The following ARHGAP11A variants were observed in gnomAD, a reference collection of about 807,000 sequenced individuals.
ARHGAP11A encodes Rho GTPase activating protein 11A.
Under a neutral mutation model 60.5 loss-of-function variants are expected in ARHGAP11A, and 36 were observed. The observed-to-expected ratio is 0.59, with a 90% CI of 0.46 to 0.79. The LOEUF (loss-of-function observed/expected upper bound fraction) is 0.79. ARHGAP11A is among the 30% of genes least tolerant of loss of function. The probability of loss-of-function intolerance (pLI) is 0.00; values close to 1 mark genes in which losing one functional copy is unlikely to be tolerated. For missense variants in ARHGAP11A, 1,071 were observed against 1,199.2 expected (o/e 0.89, Z 1.58); for synonymous variants, 362 against 415.5 (o/e 0.87, Z 1.57).
intron 11 of ARHGAP11A, 53 bp from the exon 12 acceptor site, chr15:32,636,203 AT>A: frequency 6.7e-7 from 1 of 1,502,346 alleles, no homozygotes; most frequent in Non-Finnish European, 8.8e-7. Flanking sequence ...CTTGGGTATT[AT>A]TTCAAAACAA....
At chr15:32,630,092 TCTGGGTCTATAG>T (rs954487716) in intron 8 of ARHGAP11A, among the ~76,000 whole-genome samples, 13 of 108,348 alleles carry the variant, frequency 1.2e-4, no homozygotes, top group Non-Finnish European at 2.0e-4. Flanking sequence ...TATAGTTACA[TCTGGGTCTATAG>T]CTGTGGCTTT....
In ARHGAP11A at chr15:32,628,655, C is replaced by T. The variant is rs1222505428; in HGVS notation, c.863-73C>T. ...AAAGTTACATGTTGAAAGAAGACTG[C>T]AAATATTAATATGAATTATTGGTGA... On this transcript the variant is annotated intron_variant, in intron 6 of 11. Coordinates refer to ENST00000361627, the MANE Select transcript of ARHGAP11A (RefSeq NM_014783.6). 12 of 1,212,046 alleles carry T rather than the reference C, an allele frequency of 9.9e-6. No individual in the cohort carries two copies. In the African/African-American group the frequency reaches 1.6e-4, roughly 16 times the overall value. 75.1% of individuals were successfully genotyped at this position (1,212,046 alleles called of 1,614,324 possible).
chr15:32,617,470 C>CTTTTT (rs2053181642), intron 1 of ARHGAP11A, among the ~76,000 whole-genome samples: 1 of 112,738 alleles, frequency 8.9e-6, no homozygotes, highest in Non-Finnish European at 2.0e-5. Context: ...CTTTTCTTTT[C>CTTTTT]CTTTTTTTTT....
rs1404516723 is a variant in ARHGAP11A at position 32,636,509 on chromosome 15, T to A, written c.1736T>A (p.Ile579Lys). Residue 579 changes from isoleucine (I) to lysine (K), a missense_variant, in exon 12 of 12, where the codon ATA becomes AAA. Transcript: ENST00000361627. The stretch of plus-strand genomic sequence containing the variant: ...TTAAACAATAAGCATAATAGCAACA[T>A]AACAAGTAGCCCTCTTAGCGGGGAT... ...SNLNNKHNSN[I>K]TSSPLSGDEN... 3.1e-6 allele frequency: 5 copies of A among 1,614,046 alleles called. No homozygotes were observed. The highest frequency in any genetic ancestry group is 2.2e-5 in the South Asian group (2 of 91,066).
intron 8 of ARHGAP11A, among the ~76,000 whole-genome samples, chr15:32,631,331 T>C (rs1361539583): frequency 6.6e-6 from 1 of 151,772 alleles, no homozygotes; most frequent in Non-Finnish European, 1.5e-5. Context: ...GTTTTGCTCT[T>C]GTTGCCCAGG....
Position 32,629,550 on chromosome 15 carries a change from A to G in ARHGAP11A, c.938-45A>G, listed in dbSNP as rs146847304. Reference sequence around the variant, plus strand: ...TATGTAAAGCTTTTATATGTTGTCAACTCTGCAGTAGAAACAAGTTGGTTT... The same window carrying G: ...TATGTAAAGCTTTTATATGTTGTCAGCTCTGCAGTAGAAACAAGTTGGTTT... On this transcript the variant is annotated intron_variant, in intron 7 of 11. Transcript: ENST00000361627. The G allele has an allele frequency of 3.2e-3, 4,978 of 1,533,222 alleles. 159 individuals are homozygous for G. In the African/African-American group the frequency reaches 0.061, roughly 19 times the overall value. 95.0% of individuals were successfully genotyped at this position (1,533,222 alleles called of 1,614,324 possible). A position where few individuals can be genotyped will look rare whatever the true frequency, so the allele number is the denominator to read the frequency against.
intron 8 of ARHGAP11A, among the ~76,000 whole-genome samples, chr15:32,630,238 T>C (rs2053557722): frequency 1.2e-5 from 1 of 85,598 alleles, no homozygotes. Context: ...TAGACTCAAG[T>C]ACCTTTTGTA....
At chr15:32,636,045 A>G in intron 11 of ARHGAP11A, 130 bp downstream of exon 11, 2 of 1,379,816 alleles carry the variant, frequency 1.4e-6, no homozygotes, top group Non-Finnish European at 9.4e-7. Context: ...TGAAAATATT[A>G]GAATTGGCAA....
At chr15:32,625,795 C>T (rs377449907) in intron 6 of ARHGAP11A, among the ~76,000 whole-genome samples, 162 bp downstream of exon 6, 4 of 152,212 alleles carry the variant, frequency 2.6e-5, no homozygotes, top group African/African-American at 9.6e-5. Flanking sequence ...ATAGTACAAT[C>T]TAATGTTAAG....
chr15:32,620,521 A>G (rs954046501), intron 2 of ARHGAP11A, among the ~76,000 whole-genome samples: 1 of 151,802 alleles, frequency 6.6e-6, no homozygotes, highest in Admixed American at 6.6e-5. Flanking sequence ...ATTGTTTCAA[A>G]CCAGCAAATG....
At position 32,615,505 on chromosome 15, in the gene ARHGAP11A, A is replaced by AG. The variant is rs1567045509; in HGVS notation, c.-707_-706insG. ...AGCCTGGGCTGAAACTGCGGGTGTG[A>AG]CCCCCCCGTGGTGGCTCTGGGTGTC... On this transcript the variant is annotated 5_prime_UTR_variant, in exon 1 of 12. Coordinates refer to ENST00000361627, the MANE Select transcript of ARHGAP11A (RefSeq NM_014783.6). The AG allele has an allele frequency of 6.6e-6, 1 of 151,786 alleles. No homozygotes were observed. 9.4% of individuals were successfully genotyped at this position (151,786 alleles called of 1,614,324 possible).
rs1410913060 is a variant in ARHGAP11A at position 32,639,411 on chromosome 15, T to G, written c.*1566T>G. The G allele has an allele frequency of 1.3e-5, 2 of 152,244 alleles. No individual in the cohort carries two copies. Among genetic ancestry groups the G allele is most frequent in the Non-Finnish European group, 2.9e-5 (2 of 68,044 alleles). 9.4% of individuals were successfully genotyped at this position (152,244 alleles called of 1,614,324 possible). A position where few individuals can be genotyped will look rare whatever the true frequency, so the allele number is the denominator to read the frequency against. ...TTGTTTATTTGATATCAAATAGGTT[T>G]GTAGATGTTTATGGCATTTCTAATT... On this transcript the variant is annotated 3_prime_UTR_variant, in exon 12 of 12. Transcript: ENST00000361627.
intron 1 of ARHGAP11A, among the ~76,000 whole-genome samples, chr15:32,617,625 C>T (rs2053190137): frequency 6.6e-6 from 1 of 152,066 alleles, no homozygotes; most frequent in Non-Finnish European, 1.5e-5. Flanking sequence ...GCGCCCGCCA[C>T]CACACCTGGC....
Position 32,637,210 on chromosome 15 carries a change from T to G in ARHGAP11A, c.2437T>G (p.Trp813Gly). 1 of 1,614,206 alleles carries G rather than the reference T, an allele frequency of 6.2e-7. No homozygotes were observed. Reference sequence around the variant, plus strand: ...TAGAAAGGTTTCTGATCACATACAGTGGTTTAACAAGCTTTCTTTAAATGA... The same window carrying G: ...TAGAAAGGTTTCTGATCACATACAGGGGTTTAACAAGCTTTCTTTAAATGA... The part of the protein sequence containing the change: ...EHRKVSDHIQ[W>G]FNKLSLNEPN... Residue 813 changes from tryptophan to glycine, a missense_variant, in exon 12 of 12, where the codon TGG (tryptophan) becomes GGG (glycine). Trp to Gly is a radical substitution (Grantham distance 184). Around this residue, in one of 4 missense-constraint regions of ARHGAP11A, gnomAD observed 776 missense variants for 760.2 expected, o/e 1.02. Coordinates refer to ENST00000361627, the MANE Select transcript of ARHGAP11A (RefSeq NM_014783.6).
At position 32,636,797 on chromosome 15, in the gene ARHGAP11A, C is replaced by G; in HGVS notation, c.2024C>G (p.Ser675Ter). The part of the protein sequence containing the change: ...GEKCFSERDF[S>*]PLQTQTFNRE... ...AAATGTTTTTCAGAGAGGGACTTTT[C>G]ACCCCTTCAAACTCAAACATTTAAT... Residue 675 changes from serine (S) to a stop codon, truncating the protein, a stop_gained, in exon 12 of 12, where the codon TCA (serine) becomes TGA (stop). Transcript: ENST00000361627. LOFTEE classifies it low-confidence loss of function (END_TRUNC). 6.2e-7 allele frequency: 1 copy of G among 1,610,580 alleles called. No homozygotes were observed. Among genetic ancestry groups the G allele is most frequent in the Non-Finnish European group, 8.5e-7 (1 of 1,179,232 alleles).
rs1049182364 is a variant in ARHGAP11A, at chr15:32,638,322, C to T, written c.*477C>T. 1 of 152,872 alleles carries T rather than the reference C, an allele frequency of 6.5e-6. No homozygotes were observed. The allele number at this position is 152,872 out of a possible 1,614,324, so 9.5% of individuals were successfully genotyped here. On this transcript the variant is annotated 3_prime_UTR_variant, in exon 12 of 12. Coordinates refer to ENST00000361627, the MANE Select transcript of ARHGAP11A (RefSeq NM_014783.6). Reference sequence around the variant, plus strand: ...TCCTGACGTTGTGATCCGCCCGCCTCAGCCTCCCAAAGTGCTGGGATTACA... The same window carrying T: ...TCCTGACGTTGTGATCCGCCCGCCTTAGCCTCCCAAAGTGCTGGGATTACA...
chr15:32,635,637 A>G, intron 10 of ARHGAP11A, 140 bp from the exon 11 acceptor site: 1 of 523,772 alleles, frequency 1.9e-6, no homozygotes, highest in Non-Finnish European at 3.2e-6. Context: ...AATGTTTGTC[A>G]TTGTTAAGAA....
At chr15:32,620,249 C>T in intron 2 of ARHGAP11A, 71 bp downstream of exon 2, 1 of 1,609,042 alleles carries the variant, frequency 6.2e-7, no homozygotes, top group East Asian at 2.2e-5. Flanking sequence ...TTTTGAGAGG[C>T]CGAGGTGGGC....
At chr15:32,635,714 T>A in intron 10 of ARHGAP11A, 63 bp from the exon 11 acceptor site, 2 of 1,155,176 alleles carry the variant, frequency 1.7e-6, no homozygotes, top group Non-Finnish European at 2.3e-6. Context: ...AAAATTATTC[T>A]GTCTTTATAT....
Sources: allele counts gnomAD v4.1 joint callset (sites outside exome capture counted in the v4.1 genomes callset), GRCh38; gene constraint gnomAD v4.1.1; regional missense constraint gnomAD v4.1.1; transcripts MANE v1.5; gene names NCBI Gene and HGNC (gene_info 2026-07-23, HGNC 2026-07-21).